Variants in MUC5AC observed in about 807,000 individuals in gnomAD.
MUC5AC encodes the protein mucin-5AC.
In MUC5AC, 158 loss-of-function variants were observed where a neutral mutation model predicts 169.7. The ratio of observed to expected loss-of-function variants is 0.93; its 90% CI spans 0.82 to 1.06. MUC5AC has a LOEUF of 1.06. Ranked by LOEUF, MUC5AC falls within the 50% of genes least tolerant of loss-of-function variation. The pLI is 0.00. For synonymous variants in MUC5AC, 1,975 were observed against 1,237.0 expected (o/e 1.60, Z -12.52); for missense variants, 4,359 against 3,089.9 (o/e 1.41, Z -9.74).
At position 1,197,566 on chromosome 11, in the gene MUC5AC, C is replaced by T; in HGVS notation, c.15960C>T (p.Ala5320=). ...CRPKLCPLPP[A]CPLPGFVPVP... is the part of the protein sequence containing the mutation. ...CCAAGCTCTGCCCGCTGCCCCCTGC[C>T]TGCCCCCTGCCCGGCTTCGTGCCTG... Residue 5320 remains alanine, a synonymous_variant, in exon 41 of 49, where the codon GCC becomes GCT. Transcript: ENST00000621226. 2 of 716,930 alleles carry T rather than the reference C, an allele frequency of 2.8e-6. No individual in the cohort carries two copies. The highest frequency in any genetic ancestry group is 5.1e-6 in the Non-Finnish European group (2 of 394,308). The allele number at this position is 716,930 out of a possible 1,614,324, so 44.4% of individuals were successfully genotyped here.
chr11:1,178,700 G>T lies in MUC5AC; in HGVS notation c.3327+17G>T. ...CACGCACACGTATGCTGGCCGGGGG[G>T]CGTTTCTCTGGGCCCAAGGGGGTCA... On this transcript the variant is annotated intron_variant, in intron 25 of 48. Transcript: ENST00000621226. 8.1e-7 allele frequency: 1 copy of T among 1,234,192 alleles called. No homozygotes were observed. The highest frequency in any genetic ancestry group is 1.0e-6 in the Non-Finnish European group (1 of 967,210). 76.5% of individuals were successfully genotyped at this position (1,234,192 alleles called of 1,614,324 possible). A position where few individuals can be genotyped will look rare whatever the true frequency, so the allele number is the denominator to read the frequency against.
intron 24 of MUC5AC, 73 bp from the exon 25 acceptor site, chr11:1,178,371 G>A (rs978905555): frequency 3.1e-5 from 13 of 417,054 alleles, no homozygotes; most frequent in Middle Eastern, 4.4e-4. Flanking sequence ...GGGAGGAGGC[G>A]GCCTAGGGGC....
At chr11:1,166,453 CCCACGA>C (rs1860335369) in intron 11 of MUC5AC, among the ~76,000 whole-genome samples, 1 of 121,620 alleles carries the variant, frequency 8.2e-6, no homozygotes. Flanking sequence ...CACACAGTCT[CCCACGA>C]TGAGACCCTA....
intron 46 of MUC5AC, 61 bp downstream of exon 46, chr11:1,199,551 G>T: frequency 8.6e-6 from 6 of 698,326 alleles, no homozygotes; most frequent in Non-Finnish European, 1.6e-5. Context: ...GGTTTGGGGG[G>T]CTGTGATCAT....
chr11:1,181,038 CT>C (rs1158582460), intron 28 of MUC5AC, 100 bp from the exon 29 acceptor site: 1 of 398,120 alleles, frequency 2.5e-6, no homozygotes, highest in Admixed American at 4.4e-5. Context: ...AACTCCACCC[CT>C]GTCGGAGCTG....
chr11:1,199,166 GC>G lies in MUC5AC; in HGVS notation c.16380del (p.Ala5461ProfsTer18). On this transcript the variant is annotated frameshift_variant, in exon 45 of 49. Coordinates refer to ENST00000621226, the MANE Select transcript of MUC5AC (RefSeq NM_001304359.2). LOFTEE classifies it high-confidence loss of function. ...QVACVTNTSK[S>X]PAHLFYPGET... Reference sequence around the variant, plus strand: ...GCCTGTGTCACCAACACCAGCAAGAGCCCCGCCCACCTCTTCTACGTGAGTA... The same window carrying G: ...GCCTGTGTCACCAACACCAGCAAGAGCCCGCCCACCTCTTCTACGTGAGTA... The G allele has an allele frequency of 1.3e-6, 1 of 763,900 alleles. No individual in the cohort carries two copies. Among genetic ancestry groups the G allele is most frequent in the Non-Finnish European group, 2.4e-6 (1 of 417,448 alleles). 47.3% of individuals were successfully genotyped at this position (763,900 alleles called of 1,614,324 possible). A position where few individuals can be genotyped will look rare whatever the true frequency, so the allele number is the denominator to read the frequency against.
At chr11:1,159,352 TGCTGTGCGGGGCTGTGCGGG>T (rs550095618) in intron 1 of MUC5AC, among the ~76,000 whole-genome samples, 2 of 150,224 alleles carry the variant, frequency 1.3e-5, no homozygotes, top group Admixed American at 6.6e-5. Context: ...ACCATGCTGG[TGCTGTGCGGGGCTGTGCGGG>T]GCTGTGCGGG....
chr11:1,189,499 C>G lies in MUC5AC; in HGVS notation c.11354C>G (p.Ser3785Cys), dbSNP rs1265300894. 1.7e-6 allele frequency: 1 copy of G among 592,470 alleles called. No homozygotes were observed. The highest frequency in any genetic ancestry group is 3.0e-6 in the Non-Finnish European group (1 of 333,498). 36.7% of individuals were successfully genotyped at this position (592,470 alleles called of 1,614,324 possible). A position where few individuals can be genotyped will look rare whatever the true frequency, so the allele number is the denominator to read the frequency against. The change falls in exon 31 of 49, where the codon TCT becomes TGT. Residue 3785 changes from serine to cysteine, a missense_variant. By Grantham distance (112) the Ser-to-Cys change is moderately radical (BLOSUM62 -1). Transcript: ENST00000621226. ...TCTGCCCCTACAACTAGCACTACCT[C>G]TGCTCCCATAACCAGCACAATCTCT... ...TTSAPTTSTT[S>C]APITSTISAP...
rs878925751 is a variant in MUC5AC, at chr11:1,182,640, A to G, written c.4495A>G (p.Thr1499Ala). The G allele has an allele frequency of 5.0e-6, 2 of 399,050 alleles. No individual in the cohort carries two copies. Among genetic ancestry groups the G allele is most frequent in the South Asian group, 1.3e-4 (1 of 7,870 alleles). The allele number at this position is 399,050 out of a possible 1,614,324, so 24.7% of individuals were successfully genotyped here. ...CACTCCTCCAACTACCTCCAAGACC[A>G]CTGAAACCCGGGCCTCAGGCTCCTC... ...QTTPPTTSKT[T>A]ETRASGSSAP... The change falls in exon 31 of 49, where the codon ACT becomes GCT. Residue 1499 changes from threonine to alanine, a missense_variant. Physicochemically the swap from Thr to Ala is moderately conservative, Grantham distance 58. Coordinates refer to ENST00000621226, the MANE Select transcript of MUC5AC (RefSeq NM_001304359.2).
chr11:1,190,424 G>A lies in MUC5AC; in HGVS notation c.12279G>A (p.Val4093=), dbSNP rs1389074060. The change falls in exon 31 of 49, where the codon GTG becomes GTA. Residue 4093 remains valine (V), a synonymous_variant. Coordinates refer to ENST00000621226, the MANE Select transcript of MUC5AC (RefSeq NM_001304359.2). The part of the protein sequence containing the change: ...SWQKSRTTTL[V]TTSTTSTPQT... ...AGAAATCCAGGACAACCACTTTGGT[G>A]ACAACCAGCACAACCTCCACTCCAC... The A allele has an allele frequency of 1.1e-5, 7 of 665,572 alleles. No individual in the cohort carries two copies. The highest frequency in any genetic ancestry group is 1.9e-5 in the Non-Finnish European group (7 of 366,160). 41.2% of individuals were successfully genotyped at this position (665,572 alleles called of 1,614,324 possible). A position where few individuals can be genotyped will look rare whatever the true frequency, so the allele number is the denominator to read the frequency against.
At chr11:1,199,304 G>T in intron 45 of MUC5AC, 67 bp from the exon 46 acceptor site, 1 of 698,290 alleles carries the variant, frequency 1.4e-6, no homozygotes, top group Non-Finnish European at 2.6e-6. Flanking sequence ...AAGCCCACGG[G>T]CTGGGGTGCA....
Position 1,195,991 on chromosome 11 carries a change from G to T in MUC5AC, c.15574G>T (p.Ala5192Ser), listed in dbSNP as rs368476630. ...GGTGTGCTCCAGCCTGGAGCTGTAC[G>T]CGGCACTCTGTGCGTCCCACGACAT... ...DVVCSSLELY[A>S]ALCASHDICI... is the part of the protein sequence containing the mutation. Residue 5192 changes from alanine to serine, a missense_variant, in exon 37 of 49, where the codon GCG (alanine) becomes TCG (serine). Transcript: ENST00000621226. 6 of 764,960 alleles carry T rather than the reference G, an allele frequency of 7.8e-6. No homozygotes were observed. Among genetic ancestry groups the T allele is most frequent in the Non-Finnish European group, 1.4e-5 (6 of 417,812 alleles). The allele number at this position is 764,960 out of a possible 1,614,324, so 47.4% of individuals were successfully genotyped here. A position where few individuals can be genotyped will look rare whatever the true frequency, so the allele number is the denominator to read the frequency against.
At position 1,188,879 on chromosome 11, in the gene MUC5AC, C is replaced by T. The variant is rs1469079603; in HGVS notation, c.10734C>T (p.Ser3578=). The change falls in exon 31 of 49, where the codon AGC becomes AGT. Residue 3578 remains serine, a synonymous_variant. Coordinates refer to ENST00000621226, the MANE Select transcript of MUC5AC (RefSeq NM_001304359.2). ...QCRAKSHPEV[S]IEHLGQVVQC... ...GAGCCAAGAGCCACCCGGAGGTGAG[C>T]ATCGAACACCTGGGCCAGGTGGTGC... is the stretch of plus-strand genomic sequence containing the variant. 1.6e-5 allele frequency: 12 copies of T among 763,486 alleles called. No individual in the cohort carries two copies. Among genetic ancestry groups the T allele is most frequent in the Non-Finnish European group, 2.9e-5 (12 of 417,126 alleles). The allele number at this position is 763,486 out of a possible 1,614,324, so 47.3% of individuals were successfully genotyped here.
intron 10 of MUC5AC, 28 bp downstream of exon 10, chr11:1,165,447 C>T: frequency 6.2e-7 from 1 of 1,605,650 alleles, no homozygotes; most frequent in East Asian, 2.2e-5. Context: ...TCCAGGCCAC[C>T]AAGGATGTGC....
In MUC5AC at chr11:1,179,999, G is replaced by A. The variant is rs878970821; in HGVS notation, c.3485-23G>A. On this transcript the variant is annotated intron_variant, in intron 26 of 48. Coordinates refer to ENST00000621226, the MANE Select transcript of MUC5AC (RefSeq NM_001304359.2). Reference sequence around the variant, plus strand: ...GCGAGTGAGTTCCTGGGACCCCACCGAGCCCTTCCTTCCTCCCTGCAGCTC... The same window carrying A: ...GCGAGTGAGTTCCTGGGACCCCACCAAGCCCTTCCTTCCTCCCTGCAGCTC... 2,625 of 398,710 alleles carry A rather than the reference G, an allele frequency of 6.6e-3. 9 individuals are homozygous for A. Among genetic ancestry groups the A allele is most frequent in the Non-Finnish European group, 8.1e-3 (1,821 of 226,184 alleles). The allele number at this position is 398,710 out of a possible 1,614,324, so 24.7% of individuals were successfully genotyped here.
chr11:1,187,478 C>G lies in MUC5AC; in HGVS notation c.9333C>G (p.Ala3111=). 1.4e-6 allele frequency: 1 copy of G among 733,572 alleles called. No individual in the cohort carries two copies. The highest frequency in any genetic ancestry group is 1.4e-5 in the South Asian group (1 of 70,580). 45.4% of individuals were successfully genotyped at this position (733,572 alleles called of 1,614,324 possible). The change falls in exon 31 of 49, where the codon GCC becomes GCG. Residue 3111 remains alanine, a synonymous_variant. Coordinates refer to ENST00000621226, the MANE Select transcript of MUC5AC (RefSeq NM_001304359.2). ...CTCCTACAACCAGCACAACCTCTGC[C>G]TCTACAGCCAGCAAAACCTCTGGTC... ...TSAPTTSTTS[A]STASKTSGLG... is the part of the protein sequence containing the mutation.
At chr11:1,161,846 C>T in intron 3 of MUC5AC, 61 bp from the exon 4 acceptor site, 1 of 1,555,654 alleles carries the variant, frequency 6.4e-7, no homozygotes, top group South Asian at 1.2e-5. Context: ...AGGGCAGAGG[C>T]AGGGGGTGCA....
In MUC5AC at chr11:1,159,548, C is replaced by G. The variant is rs377048491; in HGVS notation, c.74-1064C>G. On this transcript the variant is annotated intron_variant, in intron 1 of 48. Coordinates refer to ENST00000621226, the MANE Select transcript of MUC5AC (RefSeq NM_001304359.2). ...CATGCTGGTTCTGTGCGGGGCTGTG[C>G]GGGGCTGTGCGGGGCTGTGCGGGGC... Among the ~76,000 whole-genome samples, 2 of 41,672 alleles carry G rather than the reference C, an allele frequency of 4.8e-5. 1 individual carries two copies. Among genetic ancestry groups the G allele is most frequent in the Non-Finnish European group, 9.5e-5 (2 of 21,032 alleles). The allele number at this position is 41,672 out of a possible 152,430, so 27.3% of individuals were successfully genotyped here. A position where few individuals can be genotyped will look rare whatever the true frequency, so the allele number is the denominator to read the frequency against.
In MUC5AC at chr11:1,188,185, C is replaced by G. The variant is rs1763051405; in HGVS notation, c.10040C>G (p.Thr3347Ser). Reference sequence around the variant, plus strand: ...CCTAGTGGGAGAGCCACCAGCCCAACTCAGAGCACTTCCTCTTGGCAGAAA... The same window carrying G: ...CCTAGTGGGAGAGCCACCAGCCCAAGTCAGAGCACTTCCTCTTGGCAGAAA... ...STPSGRATSP[T>S]QSTSSWQKSR... The change falls in exon 31 of 49, where the codon ACT (threonine) becomes AGT (serine). Residue 3347 changes from threonine (T) to serine (S), a missense_variant. Physicochemically the swap from Thr to Ser is moderately conservative, Grantham distance 58 (BLOSUM62 1). Transcript: ENST00000621226. 18 of 690,188 alleles carry G rather than the reference C, an allele frequency of 2.6e-5. No homozygotes were observed. Among genetic ancestry groups the G allele is most frequent in the Non-Finnish European group, 4.7e-5 (18 of 380,900 alleles). The allele number at this position is 690,188 out of a possible 1,614,324, so 42.8% of individuals were successfully genotyped here. A position where few individuals can be genotyped will look rare whatever the true frequency, so the allele number is the denominator to read the frequency against.
Sources: allele counts gnomAD v4.1 joint callset (sites outside exome capture counted in the v4.1 genomes callset), GRCh38; gene constraint gnomAD v4.1.1; transcripts MANE v1.5; gene names NCBI Gene and HGNC (gene_info 2026-07-23, HGNC 2026-07-21).